The following NRP1 variants were observed in gnomAD, a reference collection of about 807,000 sequenced individuals.
The protein encoded by NRP1 is neuropilin-1.
In NRP1, 35 loss-of-function variants were observed where a neutral mutation model predicts 106.7. The observed-to-expected ratio is 0.33, with a 90% CI of 0.25 to 0.43. The LOEUF is 0.43. Ranked by LOEUF, NRP1 falls within the 20% of genes least tolerant of loss-of-function variation. The pLI is 1.00. For synonymous variants in NRP1, 437 were observed against 417.9 expected, an observed-to-expected ratio of 1.05 and a Z score of -0.56; for missense variants, 1,024 against 1,170.4, an observed-to-expected ratio of 0.87 and a Z score of 1.83.
intron 2 of NRP1, chr10:33,288,623 A>C (rs1165737950): frequency 6.6e-6 from 1 of 152,222 alleles, no homozygotes; most frequent in Non-Finnish European, 1.5e-5. Context: ...TTTGAAGGAC[A>C]AAGGCAAGAG....
chr10:33,269,324 GCT>G (rs1843133842), intron 3 of NRP1, among the ~76,000 whole-genome samples: 1 of 152,112 alleles, frequency 6.6e-6, no homozygotes, highest in African/African-American at 2.4e-5. Flanking sequence ...ACAGGGTCTT[GCT>G]CTGTCACCCA....
At chr10:33,300,792 C>T (rs1363819479) in intron 2 of NRP1, among the ~76,000 whole-genome samples, 1 of 152,128 alleles carries the variant, frequency 6.6e-6, no homozygotes, top group Non-Finnish European at 1.5e-5. Context: ...AGTTGTCCCG[C>T]CTTTACTTCG....
intron 12 of NRP1, among the ~76,000 whole-genome samples, chr10:33,197,248 G>T (rs1349334506): frequency 6.6e-6 from 1 of 152,194 alleles, no homozygotes; most frequent in East Asian, 1.9e-4. Context: ...CCAACTCCAT[G>T]GCAGGCAAAA....
intron 1 of NRP1, among the ~76,000 whole-genome samples, chr10:33,331,635 A>C (rs888157368): frequency 6.6e-6 from 1 of 152,238 alleles, no homozygotes; most frequent in Non-Finnish European, 1.5e-5. Flanking sequence ...AGGTCTGGGT[A>C]TCACATATGG....
chr10:33,316,303 A>T (rs180885871), intron 2 of NRP1, among the ~76,000 whole-genome samples: 6 of 152,362 alleles, frequency 3.9e-5, no homozygotes, highest in Middle Eastern at 6.8e-3. Context: ...GGGGACAAAT[A>T]GGAATCAGGA....
At position 33,249,339 on chromosome 10, in the gene NRP1, C is replaced by A. The variant is rs542488373; in HGVS notation, c.981+4689G>T. 8 of 406,024 alleles carry A rather than the reference C, an allele frequency of 2.0e-5. No individual in the cohort carries two copies. In the Admixed American group the frequency reaches 2.2e-4, roughly 11 times the overall value. 25.2% of individuals were successfully genotyped at this position (406,024 alleles called of 1,614,324 possible). ...TGCAGTACACTGTGTACTTAGTTTG[C>A]GGAAATGAAAAGGAAAAACTGAAAC... On this transcript the variant is annotated intron_variant, in intron 6 of 16. Coordinates refer to ENST00000374867, the MANE Select transcript of NRP1 (RefSeq NM_003873.7).
chr10:33,286,569 T>C (rs941746580), intron 2 of NRP1, among the ~76,000 whole-genome samples: 27 of 152,250 alleles, frequency 1.8e-4, no homozygotes, highest in African/African-American at 6.0e-4. Flanking sequence ...AGGTCTCCCA[T>C]AGATGGCCCC....
rs1835484102 is a variant in NRP1, at chr10:33,178,242, A to G, written c.*1834T>C. On this transcript the variant is annotated 3_prime_UTR_variant, in exon 17 of 17. Coordinates refer to ENST00000374867, the MANE Select transcript of NRP1 (RefSeq NM_003873.7). ...GAGTGAGACGTCTAGCAATGTGGGA[A>G]GGAAGATCTAAAAAATCTCATGTCC... 1 of 152,262 alleles carries G rather than the reference A, an allele frequency of 6.6e-6. No homozygotes were observed. The highest frequency in any genetic ancestry group is 1.5e-5 in the Non-Finnish European group (1 of 68,028). 9.4% of individuals were successfully genotyped at this position (152,262 alleles called of 1,614,324 possible). A position where few individuals can be genotyped will look rare whatever the true frequency, so the allele number is the denominator to read the frequency against.
In NRP1 at chr10:33,221,705, C is replaced by A; in HGVS notation, c.1282+14G>T. 2 of 1,609,150 alleles carry A rather than the reference C, an allele frequency of 1.2e-6. No homozygotes were observed. The highest frequency in any genetic ancestry group is 1.7e-6 in the Non-Finnish European group (2 of 1,175,752). The stretch of plus-strand genomic sequence containing the variant: ...CGACTTGGAAGATTCAGTCTTCAAT[C>A]TTCCACAGCTTACCTGTTATCTTGC... On this transcript the variant is annotated intron_variant, in intron 8 of 16. Transcript: ENST00000374867.
In NRP1 at chr10:33,219,844, G is replaced by T. The variant is rs189057822; in HGVS notation, c.1282+1875C>A. 9.5e-4 allele frequency among the ~76,000 whole-genome samples: 144 copies of T among 152,182 alleles called. 1 individual carries two copies. Among genetic ancestry groups the T allele is most frequent in the African/African-American group, 3.3e-3 (137 of 41,524 alleles). On this transcript the variant is annotated intron_variant, in intron 8 of 16. Transcript: ENST00000374867. ...TTTAAATACAATGACATGAGATAAG[G>T]TTGAAGAAATGGGCCAGAAATTTCC... is the stretch of plus-strand genomic sequence containing the variant.
chr10:33,202,362 A>C, intron 11 of NRP1: 1 of 298,820 alleles, frequency 3.3e-6, no homozygotes, highest in South Asian at 5.4e-5. Context: ...GTCGGTGGTG[A>C]TGTGAAATAG....
Position 33,320,248 on chromosome 10 carries a change from G to A in NRP1, c.248+10460C>T, listed in dbSNP as rs373348804. 1.7e-4 allele frequency among the ~76,000 whole-genome samples: 26 copies of A among 151,790 alleles called. 1 individual carries two copies. The highest frequency in any genetic ancestry group is 1.6e-3 in the East Asian group (8 of 5,110). On this transcript the variant is annotated intron_variant, in intron 2 of 16. Transcript: ENST00000374867. ...AAATCGCTGGAACCCAGGAGGCTGAGGTTGCAGTGAGCCGACTTTGCGCCA... is the reference window on the plus strand; with the variant it reads ...AAATCGCTGGAACCCAGGAGGCTGAAGTTGCAGTGAGCCGACTTTGCGCCA...
At chr10:33,190,758 C>T (rs760400329) in intron 13 of NRP1, among the ~76,000 whole-genome samples, 5 of 151,768 alleles carry the variant, frequency 3.3e-5, no homozygotes, top group Admixed American at 6.6e-5. Context: ...ATGGATTGGG[C>T]GTTTGTTGTG....
At chr10:33,201,525 A>G (rs2132692960) in intron 11 of NRP1, 1 of 152,294 alleles carries the variant, frequency 6.6e-6, no homozygotes. Flanking sequence ...CTTCCAGAGG[A>G]CTTGGTTCAT....
chr10:33,253,720 T>C (rs1842014244), intron 6 of NRP1, among the ~76,000 whole-genome samples: 1 of 152,232 alleles, frequency 6.6e-6, no homozygotes, highest in Non-Finnish European at 1.5e-5. Context: ...GGAGCTGTTA[T>C]CAAAGTGAGA....
At position 33,204,088 on chromosome 10, in the gene NRP1, C is replaced by T. The variant is rs181855149; in HGVS notation, c.1760-1093G>A. 1.2e-3 allele frequency among the ~76,000 whole-genome samples: 179 copies of T among 152,118 alleles called. 1 individual carries two copies. Among genetic ancestry groups the T allele is most frequent in the African/African-American group, 4.1e-3 (171 of 41,466 alleles). On this transcript the variant is annotated intron_variant, in intron 10 of 16. Coordinates refer to ENST00000374867, the MANE Select transcript of NRP1 (RefSeq NM_003873.7). Reference sequence around the variant, plus strand: ...TTTTTGCAATCTGTTTAATATTTTACAGTTTTTGGCATTACGTTTCACTTT... The same window carrying T: ...TTTTTGCAATCTGTTTAATATTTTATAGTTTTTGGCATTACGTTTCACTTT...
intron 6 of NRP1, among the ~76,000 whole-genome samples, chr10:33,248,547 G>GTATGTGCTTTCAAAGT (rs67254572): frequency 1.3e-5 from 2 of 152,012 alleles, no homozygotes; most frequent in African/African-American, 2.4e-5. Flanking sequence ...TTCATTAATG[G>GTATGTGCTTTCAAAGT]TCCTTCAGAG....
chr10:33,186,535 C>T (rs1226789620), intron 13 of NRP1, 47 bp from the exon 14 acceptor site: 2 of 1,555,502 alleles, frequency 1.3e-6, no homozygotes, highest in South Asian at 2.4e-5. Context: ...AGGATTACCA[C>T]ACTTTTATCT....
chr10:33,226,536 C>T (rs1226522747), intron 6 of NRP1, among the ~76,000 whole-genome samples: 3 of 152,170 alleles, frequency 2.0e-5, no homozygotes, highest in Non-Finnish European at 4.4e-5. Flanking sequence ...CACCTTGTCC[C>T]AGCAAGGGCA....
Sources: gnomAD v4.1 joint callset for allele counts (sites outside exome capture counted in the v4.1 genomes callset) on GRCh38, gnomAD v4.1.1 for gene constraint, MANE v1.5 for transcripts, NCBI Gene and HGNC (gene_info 2026-07-23, HGNC 2026-07-21) for gene names.